GAREM1: variants seen among roughly 807,000 people sequenced by gnomAD.
GAREM1 encodes the protein GRB2-associated and regulator of MAPK protein 1.
GAREM1 carries 26 observed loss-of-function variants against 71.3 expected under a neutral mutation model. The ratio of observed to expected loss-of-function variants is 0.36; its 90% confidence interval spans 0.27 to 0.51. The LOEUF (loss-of-function observed/expected upper bound fraction) is 0.51. Among genes scored for constraint, GAREM1 ranks in the 20% least tolerant of loss-of-function variants. The pLI is 0.95. For missense variants in GAREM1, 1,026 were observed against 1,103.1 expected (o/e 0.93, Z 0.99); for synonymous variants, 440 against 433.2 (o/e 1.02, Z -0.20).
intron 1 of GAREM1, among the ~76,000 whole-genome samples, chr18:32,469,237 C>G (rs7233477): frequency 2.0e-5 from 3 of 152,120 alleles, no homozygotes; most frequent in African/African-American, 4.8e-5. Flanking sequence ...CACTCTTCTA[C>G]CCCAGGAAAC....
At chr18:32,272,970 T>G (rs2041484763) in intron 4 of GAREM1, among the ~76,000 whole-genome samples, 1 of 152,248 alleles carries the variant, frequency 6.6e-6, no homozygotes, top group Admixed American at 6.5e-5. Context: ...ATCTTCCTTC[T>G]GTCTTGTTAG....
intron 4 of GAREM1, among the ~76,000 whole-genome samples, chr18:32,280,877 C>T (rs574554951): frequency 7.9e-5 from 12 of 152,214 alleles, no homozygotes; most frequent in East Asian, 1.9e-4. Context: ...CTCCCACCCA[C>T]CTTCTGACTC....
Position 32,362,078 on chromosome 18 carries a change from A to G in GAREM1, c.262+30817T>C, listed in dbSNP as rs538937632. Among the ~76,000 whole-genome samples the G allele has an allele frequency of 6.9e-4, 105 of 152,326 alleles. No homozygotes were observed. In the South Asian group the frequency reaches 0.021, roughly 31 times the overall value. The stretch of plus-strand genomic sequence containing the variant: ...CCTGGCAAGAAGGATGGGAAGCCAC[A>G]GAGGAACAATGATGAGACATGGAAA... On this transcript the variant is annotated intron_variant, in intron 2 of 5. Transcript: ENST00000269209.
chr18:32,327,695 A>G (rs1271068147), intron 2 of GAREM1, among the ~76,000 whole-genome samples: 1 of 152,238 alleles, frequency 6.6e-6, no homozygotes, highest in South Asian at 2.1e-4. Flanking sequence ...TGGTGTTCAA[A>G]TATTTTTAAA....
At chr18:32,361,273 G>T (rs1183230768) in intron 2 of GAREM1, among the ~76,000 whole-genome samples, 1 of 152,068 alleles carries the variant, frequency 6.6e-6, no homozygotes, top group African/African-American at 2.4e-5. Flanking sequence ...CACACACCTG[G>T]CCTACTTCCT....
At chr18:32,417,528 C>T (rs558015763) in intron 1 of GAREM1, among the ~76,000 whole-genome samples, 1 of 152,132 alleles carries the variant, frequency 6.6e-6, no homozygotes, top group Non-Finnish European at 1.5e-5. Context: ...CAATGGAGTA[C>T]TATTCAGCCA....
chr18:32,410,877 A>T (rs2048409643), intron 1 of GAREM1, among the ~76,000 whole-genome samples: 1 of 152,150 alleles, frequency 6.6e-6, no homozygotes, highest in African/African-American at 2.4e-5. Flanking sequence ...ATCTCGGCTC[A>T]CTGCAACCTC....
rs762267287 is a variant in GAREM1, at chr18:32,263,642, G to A, written c.*4229C>T. On this transcript the variant is annotated 3_prime_UTR_variant, in exon 6 of 6. Coordinates refer to ENST00000269209, the MANE Select transcript of GAREM1 (RefSeq NM_001242409.2). ...GTACACATTGGGCCCATTAGATAAC[G>A]TTTTGGAAAGTAATGCCATTGTTAA... 7 of 152,084 alleles carry A rather than the reference G, an allele frequency of 4.6e-5. No homozygotes were observed. Among genetic ancestry groups the A allele is most frequent in the African/African-American group, 9.7e-5 (4 of 41,402 alleles). 9.4% of individuals were successfully genotyped at this position (152,084 alleles called of 1,614,324 possible). A position where few individuals can be genotyped will look rare whatever the true frequency, so the allele number is the denominator to read the frequency against.
At position 32,287,340 on chromosome 18, in the gene GAREM1, G is replaced by A. The variant is rs1196466560; in HGVS notation, c.1257C>T (p.Asp419=). ...LGGDWAPFPH[D]ILPYQDSGDS... ...CTCCAGAGTCCTGATAGGGCAGGATGTCATGAGGAAAGGGAGCCCAATCTC... is the reference window on the plus strand; with the variant it reads ...CTCCAGAGTCCTGATAGGGCAGGATATCATGAGGAAAGGGAGCCCAATCTC... Residue 419 remains aspartate (D), a synonymous_variant, in exon 4 of 6, where the codon GAC becomes GAT. Transcript: ENST00000269209. This position sits in a 1 kb window ranked among gnomAD's most constrained non-coding sequence, Gnocchi z 5.9. 16 of 1,614,106 alleles carry A rather than the reference G, an allele frequency of 9.9e-6. No individual in the cohort carries two copies. Among genetic ancestry groups the A allele is most frequent in the Non-Finnish European group, 1.3e-5 (15 of 1,180,050 alleles).
At chr18:32,468,963 C>G (rs1205073086) in intron 1 of GAREM1, among the ~76,000 whole-genome samples, 15 of 126,378 alleles carry the variant, frequency 1.2e-4, no homozygotes, top group South Asian at 6.9e-4. Context: ...CTGTGCGTCC[C>G]CCCCCCCCGC....
Position 32,267,028 on chromosome 18 carries a change from C to G in GAREM1, c.*843G>C, listed in dbSNP as rs1181131904. 7 of 152,154 alleles carry G rather than the reference C, an allele frequency of 4.6e-5. No homozygotes were observed. Among genetic ancestry groups the G allele is most frequent in the African/African-American group, 1.7e-4 (7 of 41,420 alleles). 9.4% of individuals were successfully genotyped at this position (152,154 alleles called of 1,614,324 possible). On this transcript the variant is annotated 3_prime_UTR_variant, in exon 6 of 6. Transcript: ENST00000269209. ...CTTCAAGAGACAGGGTTCTGAGAAT[C>G]TTTGGAGTCATTCTGTCCACTATTC...
Position 32,310,179 on chromosome 18 carries a change from T to C in GAREM1, c.393+14A>G, listed in dbSNP as rs2047302911. The C allele has an allele frequency of 6.2e-7, 1 of 1,613,302 alleles. No individual in the cohort carries two copies. Among genetic ancestry groups the C allele is most frequent in the African/African-American group, 1.3e-5 (1 of 74,900 alleles). On this transcript the variant is annotated intron_variant, in intron 3 of 5. Transcript: ENST00000269209. ...TTAGTGAGTATAAATATTTGGTGCT[T>C]CAAGAGCTACTACCTTCACGTTGAA...
intron 1 of GAREM1, among the ~76,000 whole-genome samples, chr18:32,430,745 C>T (rs974056336): frequency 6.6e-6 from 1 of 152,184 alleles, no homozygotes; most frequent in African/African-American, 2.4e-5. Flanking sequence ...GTCCCTAAAA[C>T]CCTGAACGAG....
At chr18:32,368,372 T>C (rs1478467722) in intron 2 of GAREM1, among the ~76,000 whole-genome samples, 2 of 152,198 alleles carry the variant, frequency 1.3e-5, no homozygotes, top group Non-Finnish European at 2.9e-5. Flanking sequence ...CTGAGTCATA[T>C]TATTTCACAA....
At chr18:32,299,856 G>T (rs2047182497) in intron 3 of GAREM1, among the ~76,000 whole-genome samples, 1 of 152,050 alleles carries the variant, frequency 6.6e-6, no homozygotes, top group Non-Finnish European at 1.5e-5. Flanking sequence ...GACACAAGAA[G>T]CAAATAAGAC....
intron 1 of GAREM1, among the ~76,000 whole-genome samples, chr18:32,458,432 A>T (rs2048918511): frequency 6.6e-6 from 1 of 152,086 alleles, no homozygotes; most frequent in South Asian, 2.1e-4. Context: ...ATCATATCTA[A>T]ATCCAATATC....
intron 1 of GAREM1, among the ~76,000 whole-genome samples, chr18:32,398,777 A>C (rs2048282923): frequency 6.6e-6 from 1 of 152,162 alleles, no homozygotes; most frequent in Non-Finnish European, 1.5e-5. Flanking sequence ...AAACTATTCC[A>C]ATCAATAGAA....
intron 1 of GAREM1, among the ~76,000 whole-genome samples, chr18:32,408,239 C>A (rs984396665): frequency 6.6e-6 from 1 of 151,974 alleles, no homozygotes; most frequent in African/African-American, 2.4e-5. Context: ...CCAAGATTAC[C>A]CTAAAATCAC....
At position 32,470,746 on chromosome 18, in the gene GAREM1, C is replaced by T. The variant is rs2049047006; in HGVS notation, c.-318G>A. On this transcript the variant is annotated 5_prime_UTR_variant, in exon 1 of 6. Transcript: ENST00000269209. This position sits in a 1 kb window ranked among gnomAD's most constrained non-coding sequence, Gnocchi z 4.4. ...GCGGCGGCTCCCGCTCCGCCTCCTC[C>T]TCTGGCCCTGGGTCTGCAGCTGCGG... Among the ~76,000 whole-genome samples, 1 of 150,010 alleles carries T rather than the reference C, an allele frequency of 6.7e-6. No homozygotes were observed. Among genetic ancestry groups the T allele is most frequent in the African/African-American group, 2.4e-5 (1 of 41,242 alleles).
Sources: gnomAD v4.1 joint callset for allele counts (sites outside exome capture counted in the v4.1 genomes callset) on GRCh38, gnomAD v4.1.1 for gene constraint, Gnocchi (gnomAD v3.1) non-coding constraint, MANE v1.5 for transcripts, NCBI Gene and HGNC (gene_info 2026-07-23, HGNC 2026-07-21) for gene names.